The following PKNOX2 variants were observed in gnomAD, a reference collection of about 807,000 sequenced individuals.
PKNOX2 encodes homeobox protein PKNOX2.
In PKNOX2, 14 loss-of-function variants were observed where a neutral mutation model predicts 53.1. The observed-to-expected ratio is 0.26, with a 90% CI of 0.17 to 0.41. The LOEUF is 0.41. Among genes scored for constraint, PKNOX2 ranks in the 10% least tolerant of loss-of-function variants. PKNOX2 has a pLI of 1.00. For synonymous variants in PKNOX2, 257 were observed against 242.8 expected (o/e 1.06, Z -0.54); for missense variants, 496 against 602.8 (o/e 0.82, Z 1.85).
rs141114762 is a variant in PKNOX2, at chr11:125,330,385, G to A, written c.-129-1434G>A. 1,022 of 152,344 alleles carry A rather than the reference G, an allele frequency of 6.7e-3. 12 individuals are homozygous for A. Among genetic ancestry groups the A allele is most frequent in the African/African-American group, 0.023 (953 of 41,518 alleles). 9.4% of individuals were successfully genotyped at this position (152,344 alleles called of 1,614,324 possible). On this transcript the variant is annotated intron_variant, in intron 2 of 12. Coordinates refer to ENST00000298282, the MANE Select transcript of PKNOX2 (RefSeq NM_001382323.2). ...CTAGGAGTAACTGGACCACGATGAC[G>A]CCTGTGAGCTGGTCCTGATCTCTTG...
chr11:125,426,062 G>A (rs948317482), intron 10 of PKNOX2, among the ~76,000 whole-genome samples: 3 of 152,210 alleles, frequency 2.0e-5, no homozygotes, highest in African/African-American at 7.2e-5. Context: ...GTTAATCTGT[G>A]TATTTGTGAC....
Position 125,181,545 on chromosome 11 carries a change from G to A in PKNOX2, c.-201+16769G>A, listed in dbSNP as rs76862471. On this transcript the variant is annotated intron_variant, in intron 1 of 12. Coordinates refer to ENST00000298282, the MANE Select transcript of PKNOX2 (RefSeq NM_001382323.2). The stretch of plus-strand genomic sequence containing the variant: ...GGAGGAGTCTCCTCCCTTAATACAC[G>A]CATTTGAGAGCAACAGACCTGAACA... 4.4e-3 allele frequency among the ~76,000 whole-genome samples: 671 copies of A among 152,314 alleles called. 9 individuals carry two copies. Among genetic ancestry groups the A allele is most frequent in the African/African-American group, 0.014 (594 of 41,556 alleles).
chr11:125,179,103 C>A (rs544146305), intron 1 of PKNOX2, among the ~76,000 whole-genome samples: 29 of 152,112 alleles, frequency 1.9e-4, no homozygotes, highest in Non-Finnish European at 3.8e-4. Flanking sequence ...GTCCCCTGGG[C>A]TCAATGAACA....
Position 125,411,790 on chromosome 11 carries a change from G to A in PKNOX2, c.861G>A (p.Lys287=). The A allele has an allele frequency of 1.2e-6, 2 of 1,614,168 alleles. No individual in the cohort carries two copies. Among genetic ancestry groups the A allele is most frequent in the African/African-American group, 2.7e-5 (2 of 75,042 alleles). The change falls in exon 10 of 13, where the codon AAG becomes AAA. Residue 287 remains lysine, a synonymous_variant. Transcript: ENST00000298282. ...CCCTCCTGGACAATGAGGATAAGAA[G>A]TCCAAGAACAAACGAGGAGTCTTGC... The part of the protein sequence containing the change: ...LTSLLDNEDK[K]SKNKRGVLPK...
At chr11:125,356,033 C>T (rs572955478) in intron 4 of PKNOX2, among the ~76,000 whole-genome samples, 3 of 147,930 alleles carry the variant, frequency 2.0e-5, no homozygotes, top group African/African-American at 4.9e-5. Flanking sequence ...ATCAGCACCC[C>T]CCCCCCCACA....
At chr11:125,315,872 C>A (rs1055873292) in intron 2 of PKNOX2, among the ~76,000 whole-genome samples, 1 of 152,170 alleles carries the variant, frequency 6.6e-6, no homozygotes, top group African/African-American at 2.4e-5. Flanking sequence ...CAAGCAGGTA[C>A]CCTCACATTT....
intron 1 of PKNOX2, among the ~76,000 whole-genome samples, chr11:125,214,634 T>C (rs944491586): frequency 9.2e-5 from 14 of 152,112 alleles, no homozygotes; most frequent in Non-Finnish European, 1.9e-4. Context: ...TGCGTCCTGC[T>C]GTCAGCACCC....
chr11:125,247,255 C>A (rs1049527071), intron 2 of PKNOX2, among the ~76,000 whole-genome samples: 1 of 152,218 alleles, frequency 6.6e-6, no homozygotes, highest in African/African-American at 2.4e-5. Flanking sequence ...ATGCCCTCTA[C>A]ACCCCATGTT....
chr11:125,167,400 G>T (rs1450483772), intron 1 of PKNOX2, among the ~76,000 whole-genome samples: 1 of 152,148 alleles, frequency 6.6e-6, no homozygotes, highest in South Asian at 2.1e-4. Flanking sequence ...GAGCTCCAAG[G>T]CTGTTGTTTT....
rs947349199 is a variant in PKNOX2, at chr11:125,414,375, C to T, written c.936+2510C>T. Among the ~76,000 whole-genome samples the T allele has an allele frequency of 9.2e-5, 14 of 152,200 alleles. No individual in the cohort carries two copies. In the East Asian group the frequency reaches 1.3e-3, roughly 15 times the overall value. ...GCACAGGTGCAGGTGCCATTCATGA[C>T]GCGCTTAACATTGGCAGAGTCCTCC... On this transcript the variant is annotated intron_variant, in intron 10 of 12. Transcript: ENST00000298282.
chr11:125,334,588 T>G (rs1017494169), intron 3 of PKNOX2, among the ~76,000 whole-genome samples: 4 of 104,050 alleles, frequency 3.8e-5, no homozygotes, highest in East Asian at 3.1e-4. Flanking sequence ...TAAGTTTTCG[T>G]TTTTTTTTTT....
At chr11:125,234,947 G>T (rs1283687411) in intron 1 of PKNOX2, 98 bp from the exon 2 acceptor site, 1 of 152,660 alleles carries the variant, frequency 6.6e-6, no homozygotes, top group Non-Finnish European at 1.5e-5. Context: ...CCTTTTTCCT[G>T]AGCCAAACCC....
At chr11:125,298,715 A>C (rs1431831555) in intron 2 of PKNOX2, among the ~76,000 whole-genome samples, 1 of 152,238 alleles carries the variant, frequency 6.6e-6, no homozygotes, top group African/African-American at 2.4e-5. Context: ...GAATGAATGA[A>C]TGAAGCCTAC....
intron 1 of PKNOX2, among the ~76,000 whole-genome samples, chr11:125,198,536 T>C (rs1938026922): frequency 6.6e-6 from 1 of 152,228 alleles, no homozygotes; most frequent in Admixed American, 6.5e-5. Context: ...CACTATATTT[T>C]CCTTCAGTAC....
intron 3 of PKNOX2, among the ~76,000 whole-genome samples, chr11:125,336,951 T>A (rs944130999): frequency 6.7e-6 from 1 of 149,162 alleles, no homozygotes; most frequent in East Asian, 1.9e-4. Context: ...TAATTATATA[T>A]GATATATAGG....
intron 1 of PKNOX2, among the ~76,000 whole-genome samples, chr11:125,229,657 G>A (rs1035205085): frequency 5.3e-5 from 8 of 152,316 alleles, no homozygotes; most frequent in Admixed American, 5.2e-4. Context: ...TGAGGCTGGA[G>A]ACAAGGAGAG....
chr11:125,219,254 T>A (rs1386083710), intron 1 of PKNOX2, among the ~76,000 whole-genome samples: 2 of 151,216 alleles, frequency 1.3e-5, no homozygotes, highest in African/African-American at 4.9e-5. Flanking sequence ...GCTAACATGG[T>A]GAAACCCTGT....
rs112462172 is a variant in PKNOX2 at position 125,338,332 on chromosome 11, A to T, written c.-23+6407A>T. On this transcript the variant is annotated intron_variant, in intron 3 of 12. Transcript: ENST00000298282. Reference sequence around the variant, plus strand: ...CACGTTTATGAACTGCAGGACAAAGAGACAGCAGACTGCTCTTCCCAGTGC... The same window carrying T: ...CACGTTTATGAACTGCAGGACAAAGTGACAGCAGACTGCTCTTCCCAGTGC... Among the ~76,000 whole-genome samples, 174 of 152,340 alleles carry T rather than the reference A, an allele frequency of 1.1e-3. 1 individual carries two copies. Among genetic ancestry groups the T allele is most frequent in the African/African-American group, 3.8e-3 (159 of 41,582 alleles).
intron 7 of PKNOX2, among the ~76,000 whole-genome samples, chr11:125,402,467 C>T (rs944954335): frequency 6.6e-6 from 1 of 152,148 alleles, no homozygotes; most frequent in Non-Finnish European, 1.5e-5. Context: ...AGATTTAAGC[C>T]TCAGCTCTAT....
Sources: gnomAD v4.1 joint callset for allele counts (sites outside exome capture counted in the v4.1 genomes callset) on GRCh38, gnomAD v4.1.1 for gene constraint, MANE v1.5 for transcripts, NCBI Gene and HGNC (gene_info 2026-07-23, HGNC 2026-07-21) for gene names.